Variants in XKR7 observed in about 807,000 individuals in gnomAD.
XKR7 encodes the protein XK-related protein 7.
A neutral mutation model predicts 42.2 loss-of-function variants in XKR7; 11 were observed. The ratio of observed to expected loss-of-function variants is 0.26; its 90% CI spans 0.16 to 0.43. The LOEUF is 0.43. Among genes scored for constraint, XKR7 ranks in the 20% least tolerant of loss-of-function variants. The pLI is 1.00. For missense variants in XKR7, 710 were observed against 802.2 expected, an observed-to-expected ratio of 0.89 and a Z score of 1.39; for synonymous variants, 346 against 366.4, an observed-to-expected ratio of 0.94 and a Z score of 0.64.
chr20:31,978,770 A>G (rs1043443183), intron 1 of XKR7, among the ~76,000 whole-genome samples: 1 of 152,166 alleles, frequency 6.6e-6, no homozygotes, highest in East Asian at 1.9e-4. Context: ...TGCAGGCCCC[A>G]CCCCATTTCC....
In XKR7 at chr20:31,968,788, A is replaced by G; in HGVS notation, c.584+29A>G. The G allele has an allele frequency of 6.8e-7, 1 of 1,463,100 alleles. No individual in the cohort carries two copies. Among genetic ancestry groups the G allele is most frequent in the Non-Finnish European group, 9.0e-7 (1 of 1,113,454 alleles). 90.6% of individuals were successfully genotyped at this position (1,463,100 alleles called of 1,614,324 possible). On this transcript the variant is annotated intron_variant, in intron 1 of 2. Transcript: ENST00000562532. The surrounding 1 kb of genome is among the most constrained non-coding windows in gnomAD (Gnocchi z 4.5). ...GGAGAAGCGCAGGTGGAGGGACCTGAGCCCGAGGAGTGGGGGTGGCGAAGG... is the reference window on the plus strand; with the variant it reads ...GGAGAAGCGCAGGTGGAGGGACCTGGGCCCGAGGAGTGGGGGTGGCGAAGG...
rs138444693 is a variant in XKR7 at position 31,979,291 on chromosome 20, T to G, written c.584+10532T>G. On this transcript the variant is annotated intron_variant, in intron 1 of 2. Transcript: ENST00000562532. ...ATGCAGTGCCACAGTCATGGCTTAC[T>G]GAAGCCTGGAACTCTTGGGCTCAAG... 4.4e-3 allele frequency among the ~76,000 whole-genome samples: 676 copies of G among 152,200 alleles called. 5 individuals carry two copies. The highest frequency in any genetic ancestry group is 0.015 in the African/African-American group (640 of 41,512).
chr20:31,983,453 C>A (rs1415026099), intron 1 of XKR7, among the ~76,000 whole-genome samples: 1 of 152,118 alleles, frequency 6.6e-6, no homozygotes, highest in South Asian at 2.1e-4. Flanking sequence ...TGACATTGAG[C>A]TGAGATGGGA....
Position 31,968,875 on chromosome 20 carries a change from C to T in XKR7, c.584+116C>T. On this transcript the variant is annotated intron_variant, in intron 1 of 2. Transcript: ENST00000562532. The surrounding 1 kb of genome is among the most constrained non-coding windows in gnomAD (Gnocchi z 4.5). Reference sequence around the variant, plus strand: ...GGCTACCCTCCTGTCCTGACCTCCCCCCCTCCCCACCCCATTGCAGCTCTA... The same window carrying T: ...GGCTACCCTCCTGTCCTGACCTCCCTCCCTCCCCACCCCATTGCAGCTCTA... 7.3e-7 allele frequency: 1 copy of T among 1,379,012 alleles called. No individual in the cohort carries two copies. Among genetic ancestry groups the T allele is most frequent in the East Asian group, 2.6e-5 (1 of 38,250 alleles). The allele number at this position is 1,379,012 out of a possible 1,614,324, so 85.4% of individuals were successfully genotyped here.
Position 31,971,630 on chromosome 20 carries a change from A to G in XKR7, c.584+2871A>G, listed in dbSNP as rs193003962. Among the ~76,000 whole-genome samples, 213 of 152,308 alleles carry G rather than the reference A, an allele frequency of 1.4e-3. 1 individual carries two copies. The South Asian group carries it at 0.016, about 12-fold the overall frequency. Reference sequence around the variant, plus strand: ...TAATGAAGAGGGAGATGTGTGATTGAGTCCTCCAGAATCACACCTGGGAGG... The same window carrying G: ...TAATGAAGAGGGAGATGTGTGATTGGGTCCTCCAGAATCACACCTGGGAGG... On this transcript the variant is annotated intron_variant, in intron 1 of 2. Transcript: ENST00000562532.
intron 1 of XKR7, among the ~76,000 whole-genome samples, chr20:31,984,273 CA>C (rs1318154209): frequency 7.2e-6 from 1 of 138,190 alleles, no homozygotes; most frequent in Non-Finnish European, 1.6e-5. Context: ...AAAAAAAAAA[CA>C]AGTAGTGGGG....
At chr20:31,992,807 C>T (rs1466764370) in intron 1 of XKR7, among the ~76,000 whole-genome samples, 1 of 152,140 alleles carries the variant, frequency 6.6e-6, no homozygotes, top group Non-Finnish European at 1.5e-5. Context: ...AGTCATCAAA[C>T]TCATCCCTTT....
intron 1 of XKR7, among the ~76,000 whole-genome samples, chr20:31,973,221 A>G (rs6058505): frequency 0.38 from 57,652 of 152,086 alleles, 14,160 homozygotes; most frequent in African/African-American, 0.7. Flanking sequence ...CACGGAGCAC[A>G]TGGCAGGACA....
Position 31,997,113 on chromosome 20 carries a change from G to T in XKR7, c.1396G>T (p.Ala466Ser), listed in dbSNP as rs372646602. ...RKASEPCGPP[A>S]DAITSPPRSL... The stretch of plus-strand genomic sequence containing the variant: ...GGCCTCAGAGCCCTGTGGCCCACCC[G>T]CTGACGCCATCACGAGTCCCCCCAG... The change falls in exon 3 of 3, where the codon GCT becomes TCT. Residue 466 changes from alanine (A) to serine (S), a missense_variant. By Grantham distance (99) the Ala-to-Ser change is moderately conservative. This residue lies in a region of XKR7 where 708 missense variants were observed against 786.2 expected (regional missense o/e 0.90). Transcript: ENST00000562532. The T allele has an allele frequency of 6.2e-7, 1 of 1,612,954 alleles. No individual in the cohort carries two copies. Among genetic ancestry groups the T allele is most frequent in the African/African-American group, 1.3e-5 (1 of 75,054 alleles).
rs2064561681 is a variant in XKR7, at chr20:31,989,884, A to G, written c.585-5184A>G. On this transcript the variant is annotated intron_variant, in intron 1 of 2. Coordinates refer to ENST00000562532, the MANE Select transcript of XKR7 (RefSeq NM_001011718.2). ...CGCCTTGGCCTCCCAAAATGTTGGGATTCCAGGCATGAGCCGCCACACCTG... is the reference window on the plus strand; with the variant it reads ...CGCCTTGGCCTCCCAAAATGTTGGGGTTCCAGGCATGAGCCGCCACACCTG... Among the ~76,000 whole-genome samples, 4 of 152,128 alleles carry G rather than the reference A, an allele frequency of 2.6e-5. No homozygotes were observed. The South Asian group carries it at 8.3e-4, about 32-fold the overall frequency.
rs2064451492 is a variant in XKR7 at position 31,968,984 on chromosome 20, AG to A, written c.584+226del. On this transcript the variant is annotated intron_variant, in intron 1 of 2. Transcript: ENST00000562532. This position sits in a 1 kb window ranked among gnomAD's most constrained non-coding sequence, Gnocchi z 4.5. ...GCCATCCGGTCTGACCTGGCCTTCG[AG>A]AGGGGAGGGGATGGTTCAAGAAAGG... 6.6e-6 allele frequency among the ~76,000 whole-genome samples: 1 copy of A among 151,608 alleles called. No individual in the cohort carries two copies. Among genetic ancestry groups the A allele is most frequent in the Non-Finnish European group, 1.5e-5 (1 of 67,934 alleles).
chr20:31,992,389 T>C (rs1189611495), intron 1 of XKR7, among the ~76,000 whole-genome samples: 2 of 152,142 alleles, frequency 1.3e-5, no homozygotes, highest in Non-Finnish European at 2.9e-5. Context: ...AAATTTCTGC[T>C]TATCAGAAGA....
intron 1 of XKR7, among the ~76,000 whole-genome samples, chr20:31,974,824 G>A (rs900555875): frequency 3.9e-5 from 6 of 152,144 alleles, no homozygotes; most frequent in East Asian, 1.9e-4. Flanking sequence ...CCATCCATGA[G>A]GTTCCTCCCT....
Position 31,995,983 on chromosome 20 carries a change from G to T in XKR7, c.788-522G>T, listed in dbSNP as rs1042383819. 2.0e-5 allele frequency among the ~76,000 whole-genome samples: 3 copies of T among 151,904 alleles called. No homozygotes were observed. The highest frequency in any genetic ancestry group is 7.3e-5 in the African/African-American group (3 of 41,330). On this transcript the variant is annotated intron_variant, in intron 2 of 2. Transcript: ENST00000562532. The surrounding 1 kb of genome is among the most constrained non-coding windows in gnomAD (Gnocchi z 4.1). ...TGGGGACCCCTTGCCCAGTTACGGG[G>T]TCCCAATCACAACGCTTCCCACCTT...
In XKR7 at chr20:31,968,260, G is replaced by A. The variant is rs1293299436; in HGVS notation, c.85G>A (p.Gly29Arg). Residue 29 changes from glycine (G) to arginine (R), a missense_variant, in exon 1 of 3, where the codon GGG (glycine) becomes AGG (arginine). Physicochemically the swap from Gly to Arg is moderately radical, Grantham distance 125. Coordinates refer to ENST00000562532, the MANE Select transcript of XKR7 (RefSeq NM_001011718.2). The surrounding 1 kb of genome is among the most constrained non-coding windows in gnomAD (Gnocchi z 4.5). ...CGGTGGAGCCCGGGGCAGTGCCGGCGGGCGCGGGGAGGCGGCGGCGGCGGC... is the reference window on the plus strand; with the variant it reads ...CGGTGGAGCCCGGGGCAGTGCCGGCAGGCGCGGGGAGGCGGCGGCGGCGGC... ...AAGGARGSAG[G>R]RGEAAAAAGP... 1.8e-6 allele frequency: 2 copies of A among 1,139,610 alleles called. No homozygotes were observed. The highest frequency in any genetic ancestry group is 2.2e-6 in the Non-Finnish European group (2 of 929,872). 70.6% of individuals were successfully genotyped at this position (1,139,610 alleles called of 1,614,324 possible).
Position 31,997,742 on chromosome 20 carries a change from C to A in XKR7, c.*285C>A. On this transcript the variant is annotated 3_prime_UTR_variant, in exon 3 of 3. Transcript: ENST00000562532. ...TTCGAGCTGCCCTGCTTTCATGGGG[C>A]CTCCACACCTCTCCCCTGCCTGGCG... 2.4e-6 allele frequency: 1 copy of A among 422,910 alleles called. No homozygotes were observed. Among genetic ancestry groups the A allele is most frequent in the Non-Finnish European group, 4.3e-6 (1 of 235,088 alleles). 26.2% of individuals were successfully genotyped at this position (422,910 alleles called of 1,614,324 possible). A position where few individuals can be genotyped will look rare whatever the true frequency, so the allele number is the denominator to read the frequency against.
Position 31,997,183 on chromosome 20 carries a change from C to T in XKR7, c.1466C>T (p.Ala489Val), listed in dbSNP as rs745471505. 46 of 1,610,004 alleles carry T rather than the reference C, an allele frequency of 2.9e-5. No homozygotes were observed. The highest frequency in any genetic ancestry group is 3.3e-4 in the Middle Eastern group (2 of 6,062). Residue 489 changes from alanine (A) to valine (V), a missense_variant, in exon 3 of 3, where the codon GCG becomes GTG. Coordinates refer to ENST00000562532, the MANE Select transcript of XKR7 (RefSeq NM_001011718.2). Reference sequence around the variant, plus strand: ...GGTGCTGAGCGGGATGGGGCCTCGGCGGGAGAGCGTGCAGGGACCCCCACC... The same window carrying T: ...GGTGCTGAGCGGGATGGGGCCTCGGTGGGAGAGCGTGCAGGGACCCCCACC... ...TTGAERDGAS[A>V]GERAGTPTPP...
rs574270401 is a variant in XKR7, at chr20:31,993,495, T to C, written c.585-1573T>C. On this transcript the variant is annotated intron_variant, in intron 1 of 2. Transcript: ENST00000562532. ...ACAGTAAATTAGAAGCAAAGTGGGA[T>C]TGATCTCAGGACTTCAGAGTCCCTT... 7.2e-5 allele frequency among the ~76,000 whole-genome samples: 11 copies of C among 152,338 alleles called. No homozygotes were observed. The South Asian group carries it at 1.7e-3, about 23-fold the overall frequency.
At position 32,000,239 on chromosome 20, in the gene XKR7, G is replaced by A. The variant is rs1323062628; in HGVS notation, c.*2782G>A. The A allele has an allele frequency of 6.6e-6, 1 of 152,416 alleles. No homozygotes were observed. The highest frequency in any genetic ancestry group is 2.4e-5 in the African/African-American group (1 of 41,438). The allele number at this position is 152,416 out of a possible 1,614,324, so 9.4% of individuals were successfully genotyped here. A position where few individuals can be genotyped will look rare whatever the true frequency, so the allele number is the denominator to read the frequency against. On this transcript the variant is annotated 3_prime_UTR_variant, in exon 3 of 3. Coordinates refer to ENST00000562532, the MANE Select transcript of XKR7 (RefSeq NM_001011718.2). ...TGTCCCTTCATTTCACTGGGATAGA[G>A]GAGTCAGATGAGGGAGGGGTCCATC...
Sources: allele counts gnomAD v4.1 joint callset (sites outside exome capture counted in the v4.1 genomes callset), GRCh38; gene constraint gnomAD v4.1.1; regional missense constraint gnomAD v4.1.1; non-coding constraint Gnocchi (gnomAD v3.1); transcripts MANE v1.5; gene names NCBI Gene and HGNC (gene_info 2026-07-23, HGNC 2026-07-21).